The following CDH13 variants were observed in gnomAD, a reference collection of about 807,000 sequenced individuals.
CDH13 encodes cadherin-13.
In CDH13, 24 loss-of-function variants were observed where a neutral mutation model predicts 63.8. That is an observed-to-expected ratio of 0.38 (90% CI 0.27 to 0.53). The LOEUF (loss-of-function observed/expected upper bound fraction) is 0.53, where lower values mean the gene tolerates loss of function less well. CDH13 is among the 20% of genes least tolerant of loss of function. The pLI is 0.85. For missense variants in CDH13, 1,049 were observed against 903.1 expected, an observed-to-expected ratio of 1.16 and a Z score of -2.07; for synonymous variants, 503 against 355.3, an observed-to-expected ratio of 1.42 and a Z score of -4.67.
At chr16:83,389,350 A>G (rs1432372680) in intron 6 of CDH13, among the ~76,000 whole-genome samples, 1 of 152,204 alleles carries the variant, frequency 6.6e-6, no homozygotes, top group Non-Finnish European at 1.5e-5. Context: ...ATGAGATCGT[A>G]CCATAACGTT....
rs545646459 is a variant in CDH13 at position 83,277,365 on chromosome 16, G to T, written c.636+59868G>T. ...TGGGGAGTTTATTAAAAACTCAGAT[G>T]CCTAAACCATACTCCGAACCTACTG... On this transcript the variant is annotated intron_variant, in intron 5 of 13. Transcript: ENST00000567109. 2.0e-5 allele frequency among the ~76,000 whole-genome samples: 3 copies of T among 152,248 alleles called. No homozygotes were observed. The East Asian group carries it at 5.8e-4, about 29-fold the overall frequency.
intron 1 of CDH13, among the ~76,000 whole-genome samples, chr16:82,647,882 C>T (rs1049542303): frequency 4.6e-5 from 7 of 152,298 alleles, no homozygotes; most frequent in Non-Finnish European, 7.4e-5. Flanking sequence ...TTATAGCTCC[C>T]ATAGTCCCCA....
At chr16:83,608,806 C>T (rs996159524) in intron 8 of CDH13, among the ~76,000 whole-genome samples, 2 of 152,020 alleles carry the variant, frequency 1.3e-5, no homozygotes, top group African/African-American at 4.8e-5. Flanking sequence ...CTGTGCCCAG[C>T]CAGTATTCGC....
intron 2 of CDH13, among the ~76,000 whole-genome samples, chr16:82,990,947 T>C (rs1256803782): frequency 1.3e-5 from 2 of 152,214 alleles, no homozygotes; most frequent in Non-Finnish European, 2.9e-5. Context: ...CTGGCACTAA[T>C]CAATGGCTCT....
At chr16:83,645,708 A>G (rs1039362231) in intron 8 of CDH13, among the ~76,000 whole-genome samples, 1 of 151,804 alleles carries the variant, frequency 6.6e-6, no homozygotes, top group Non-Finnish European at 1.5e-5. Flanking sequence ...GCCACATGAG[A>G]AGAACTTGCT....
rs576215867 is a variant in CDH13, at chr16:83,150,958, C to CT, written c.483+25465dup. On this transcript the variant is annotated intron_variant, in intron 4 of 13. Transcript: ENST00000567109. ...TGTCCCTGAAGATTATATACCCCAT[C>CT]TTTTTTTTACATTCCCAGTGCATTG... Among the ~76,000 whole-genome samples the CT allele has an allele frequency of 3.9e-5, 6 of 152,076 alleles. No homozygotes were observed. In the South Asian group the frequency reaches 6.2e-4, roughly 16 times the overall value.
chr16:83,048,081 A>C (rs1206722175), intron 3 of CDH13, among the ~76,000 whole-genome samples: 2 of 152,348 alleles, frequency 1.3e-5, no homozygotes, highest in South Asian at 4.1e-4. Flanking sequence ...AGCTGTATCC[A>C]AAAGGGTTAA....
At chr16:83,682,026 AAT>A (rs1915449764) in intron 10 of CDH13, among the ~76,000 whole-genome samples, 1 of 152,158 alleles carries the variant, frequency 6.6e-6, no homozygotes, top group Non-Finnish European at 1.5e-5. Context: ...TAGTATCTCT[AAT>A]ATCTTTTTCT....
At chr16:83,459,868 G>T (rs1306021391) in intron 6 of CDH13, among the ~76,000 whole-genome samples, 2 of 152,186 alleles carry the variant, frequency 1.3e-5, no homozygotes, top group Non-Finnish European at 2.9e-5. Context: ...TACTCAACTG[G>T]TAGAAAAGAG....
At chr16:82,756,967 C>G (rs2034634706) in intron 1 of CDH13, among the ~76,000 whole-genome samples, 6 of 152,194 alleles carry the variant, frequency 3.9e-5, no homozygotes, top group African/African-American at 1.4e-4. Context: ...ATATCAGTGG[C>G]TGGCACATTA....
intron 6 of CDH13, among the ~76,000 whole-genome samples, chr16:83,399,807 C>T (rs61392402): frequency 0.069 from 10,433 of 152,172 alleles, 402 homozygotes; most frequent in East Asian, 0.19. Flanking sequence ...TTTTACCCCC[C>T]GCCGCATTTA....
intron 4 of CDH13, among the ~76,000 whole-genome samples, chr16:83,204,141 C>A (rs1049597474): frequency 6.6e-6 from 1 of 152,200 alleles, no homozygotes; most frequent in Admixed American, 6.5e-5. Flanking sequence ...GCTCTTCCAT[C>A]AGTGTCGGGC....
intron 1 of CDH13, among the ~76,000 whole-genome samples, chr16:82,744,651 C>A (rs2034079885): frequency 6.6e-6 from 1 of 152,126 alleles, no homozygotes; most frequent in Admixed American, 6.6e-5. Flanking sequence ...CCCTACTACT[C>A]CTGGATAAAA....
At chr16:82,889,308 C>CTCTCTCTT (rs749240417) in intron 2 of CDH13, among the ~76,000 whole-genome samples, 41 of 152,066 alleles carry the variant, frequency 2.7e-4, no homozygotes, top group African/African-American at 9.9e-4. Context: ...TTATCTCTCT[C>CTCTCTCTT]TCTCTCTCTC....
At chr16:83,290,809 C>G (rs1485962503) in intron 5 of CDH13, among the ~76,000 whole-genome samples, 2 of 152,100 alleles carry the variant, frequency 1.3e-5, no homozygotes, top group Non-Finnish European at 2.9e-5. Flanking sequence ...TTCTTTCTGA[C>G]CATGCATCTT....
At chr16:83,342,101 A>G (rs1430260053) in intron 5 of CDH13, among the ~76,000 whole-genome samples, 4 of 151,758 alleles carry the variant, frequency 2.6e-5, no homozygotes, top group African/African-American at 4.8e-5. Context: ...GGTAACTACT[A>G]CCTGCATGTG....
chr16:83,334,361 T>TCTCTCTCTCTCACACACACA (rs1272779883), intron 5 of CDH13, among the ~76,000 whole-genome samples: 3 of 85,594 alleles, frequency 3.5e-5, no homozygotes, highest in African/African-American at 1.5e-4. Flanking sequence ...TCTCTCTCTC[T>TCTCTCTCTCTCACACACACA]CACACACACA....
chr16:83,480,186 C>T (rs775233264), intron 6 of CDH13, among the ~76,000 whole-genome samples: 53 of 152,084 alleles, frequency 3.5e-4, no homozygotes, highest in Non-Finnish European at 5.1e-4. Context: ...CATAGTGGTG[C>T]GCACCTATAG....
intron 1 of CDH13, among the ~76,000 whole-genome samples, chr16:82,794,758 A>G (rs1042410156): frequency 2.6e-5 from 4 of 152,184 alleles, no homozygotes; most frequent in African/African-American, 7.2e-5. Context: ...TTGAGCTGTT[A>G]TAATGTTTTA....
Sources: gnomAD v4.1 joint callset for allele counts (sites outside exome capture counted in the v4.1 genomes callset) on GRCh38, gnomAD v4.1.1 for gene constraint, MANE v1.5 for transcripts, NCBI Gene and HGNC (gene_info 2026-07-23, HGNC 2026-07-21) for gene names.